CLK1: variants seen among roughly 807,000 people sequenced by gnomAD.
CLK1 encodes the protein dual specificity protein kinase CLK1.
Under a neutral mutation model 60.9 loss-of-function variants are expected in CLK1, and 40 were observed. The observed-to-expected ratio is 0.66, with a 90% CI of 0.51 to 0.86. CLK1 has a LOEUF of 0.86. Ranked by LOEUF, CLK1 falls within the 40% of genes least tolerant of loss-of-function variation. The pLI is 0.00. For missense variants in CLK1, 563 were observed against 606.1 expected (o/e 0.93, Z 0.75); for synonymous variants, 203 against 184.4 (o/e 1.10, Z -0.82).
chr2:200,853,407 CAA>C lies in CLK1; in HGVS notation c.1352_1353del (p.Phe451Ter). 1 of 1,610,012 alleles carries C rather than the reference CAA, an allele frequency of 6.2e-7. No homozygotes were observed. The highest frequency in any genetic ancestry group is 8.5e-7 in the Non-Finnish European group (1 of 1,178,954). ...TACTCCAACATTTTCTGAATGAGGTCAAAGAGACGCTCATGTTCAACATCTTG... is the reference window on the plus strand; with the variant it reads ...TACTCCAACATTTTCTGAATGAGGTCAGAGACGCTCATGTTCAACATCTTG... The part of the protein sequence containing the change: ...LSQDVEHERL[F>X]DLIQKMLEYD... On this transcript the variant is annotated frameshift_variant, in exon 13 of 13. Coordinates refer to ENST00000321356, the MANE Select transcript of CLK1 (RefSeq NM_004071.4). LOFTEE classifies it high-confidence loss of function.
At chr2:200,855,168 T>TA in intron 9 of CLK1, 82 bp from the exon 10 acceptor site, 38 of 1,045,904 alleles carry the variant, frequency 3.6e-5, no homozygotes, top group Admixed American at 4.9e-5. Flanking sequence ...CACTAATACT[T>TA]TAAAAAAAAA....
chr2:200,854,086 T>G (rs1575074756), intron 11 of CLK1, 93 bp from the exon 12 acceptor site: 1 of 761,136 alleles, frequency 1.3e-6, no homozygotes, highest in East Asian at 2.9e-5. Flanking sequence ...CCAGATCACT[T>G]TTCTAGAGAT....
rs548725868 is a variant in CLK1 at position 200,859,893 on chromosome 2, A to G, written c.482-147T>C. On this transcript the variant is annotated intron_variant, in intron 4 of 12. Transcript: ENST00000321356. ...TTATTGGTCAACACCATCAAAAAAC[A>G]TAATTATTAGGTCTAATTTCATTAA... 160 of 1,443,462 alleles carry G rather than the reference A, an allele frequency of 1.1e-4. No homozygotes were observed. In the African/African-American group the frequency reaches 2.2e-3, roughly 19 times the overall value. The allele number at this position is 1,443,462 out of a possible 1,614,324, so 89.4% of individuals were successfully genotyped here.
intron 1 of CLK1, among the ~76,000 whole-genome samples, chr2:200,862,397 C>T (rs556248141): frequency 6.6e-6 from 1 of 152,240 alleles, no homozygotes; most frequent in South Asian, 2.1e-4. Flanking sequence ...TAATCTCCCC[C>T]ACCCTTAGGA....
At chr2:200,858,308 C>A in intron 5 of CLK1, 1 of 552,222 alleles carries the variant, frequency 1.8e-6, no homozygotes, top group East Asian at 3.1e-5. Flanking sequence ...TAAACAACTT[C>A]TTCCTATATG....
intron 12 of CLK1, 48 bp downstream of exon 12, chr2:200,853,855 C>G: frequency 7.0e-7 from 1 of 1,432,646 alleles, no homozygotes; most frequent in Non-Finnish European, 9.7e-7. Flanking sequence ...AAAAGACAAA[C>G]AGAAGAAACT....
chr2:200,858,084 C>A lies in CLK1; in HGVS notation c.554G>T (p.Gly185Val). The A allele has an allele frequency of 6.2e-7, 1 of 1,600,440 alleles. No homozygotes were observed. Among genetic ancestry groups the A allele is most frequent in the Middle Eastern group, 1.7e-4 (1 of 6,048 alleles). Reference protein sequence around the residue: ...VVECIDHKAGGRHVAVKIVKN... With the variant: ...VVECIDHKAGVRHVAVKIVKN... Reference sequence around the variant, plus strand: ...AACTATTTTTACTGCTACATGTCTACCTCCCCTGTTAGAAAGATGCATGCA... The same window carrying A: ...AACTATTTTTACTGCTACATGTCTAACTCCCCTGTTAGAAAGATGCATGCA... Residue 185 changes from glycine to valine, a missense_variant, in exon 6 of 13, where the codon GGT becomes GTT. Physicochemically the swap from Gly to Val is moderately radical, Grantham distance 109. Transcript: ENST00000321356.
rs2039126851 is a variant in CLK1 at position 200,860,932 on chromosome 2, A to C, written c.390+306T>G. 6.2e-6 allele frequency: 7 copies of C among 1,129,722 alleles called. No individual in the cohort carries two copies. The South Asian group carries it at 2.0e-4, about 33-fold the overall frequency. 70.0% of individuals were successfully genotyped at this position (1,129,722 alleles called of 1,614,324 possible). On this transcript the variant is annotated intron_variant, in intron 3 of 12. Coordinates refer to ENST00000321356, the MANE Select transcript of CLK1 (RefSeq NM_004071.4). ...GATCAAAACTAATCAGGTTTCTTGA[A>C]GTACCACAAAAAACCCTTTTAGAAT... is the stretch of plus-strand genomic sequence containing the variant.
chr2:200,861,401 T>A lies in CLK1; in HGVS notation c.227A>T (p.Tyr76Phe). ...DYHSRRYIDE[Y>F]RNDYTQGCEP... ...ACATCCTTGAGTGTAGTCATTTCTGTACTCATCAATGTAGCGTCGACTATG... is the reference window on the plus strand; with the variant it reads ...ACATCCTTGAGTGTAGTCATTTCTGAACTCATCAATGTAGCGTCGACTATG... The change falls in exon 3 of 13, where the codon TAC becomes TTC. Residue 76 changes from tyrosine (Y) to phenylalanine (F), a missense_variant. Tyr to Phe is a conservative substitution (Grantham distance 22). Transcript: ENST00000321356. 6.2e-7 allele frequency: 1 copy of A among 1,614,144 alleles called. No homozygotes were observed. Among genetic ancestry groups the A allele is most frequent in the Non-Finnish European group, 8.5e-7 (1 of 1,180,020 alleles).
chr2:200,859,616 A>T, intron 5 of CLK1, 64 bp downstream of exon 5: 2 of 1,353,442 alleles, frequency 1.5e-6, no homozygotes, highest in Non-Finnish European at 2.1e-6. Flanking sequence ...ACCACTTTCT[A>T]AAGCTAAATC....
At position 200,857,837 on chromosome 2, in the gene CLK1, C is replaced by G; in HGVS notation, c.713G>C (p.Cys238Ser). Residue 238 changes from cysteine (C) to serine (S), a missense_variant, in exon 7 of 13, where the codon TGC becomes TCC. By Grantham distance (112) the Cys-to-Ser change is moderately radical. This residue lies in a region of CLK1 where 360 missense variants were observed against 407.0 expected (regional missense o/e 0.88). Coordinates refer to ENST00000321356, the MANE Select transcript of CLK1 (RefSeq NM_004071.4). ...LEWFEHHGHI[C>S]IVFELLGLST... is the part of the protein sequence containing the mutation. ...AAGTCCCAATAGTTCAAAAACAATGCAAATGTGACCATGATGCTCAAACCA... is the reference window on the plus strand; with the variant it reads ...AAGTCCCAATAGTTCAAAAACAATGGAAATGTGACCATGATGCTCAAACCA... 1 of 1,613,786 alleles carries G rather than the reference C, an allele frequency of 6.2e-7. No individual in the cohort carries two copies.
intron 1 of CLK1, among the ~76,000 whole-genome samples, chr2:200,862,688 TCC>T (rs895800218): frequency 6.6e-6 from 1 of 152,202 alleles, no homozygotes; most frequent in African/African-American, 2.4e-5. Context: ...CACGTCATTC[TCC>T]CCGTTTAAAC....
chr2:200,861,900 C>A, intron 1 of CLK1, 38 bp from the exon 2 acceptor site: 1 of 1,590,316 alleles, frequency 6.3e-7, no homozygotes, highest in Non-Finnish European at 8.6e-7. Context: ...TAAATTGTAC[C>A]CCACACTGAG....
intron 1 of CLK1, among the ~76,000 whole-genome samples, chr2:200,863,438 G>C (rs541424696): frequency 1.3e-5 from 2 of 152,016 alleles, no homozygotes; most frequent in Non-Finnish European, 2.9e-5. Context: ...CGCGCCTGTA[G>C]TCCCAACTAC....
intron 2 of CLK1, 41 bp downstream of exon 2, chr2:200,861,661 A>C: frequency 6.2e-7 from 1 of 1,604,248 alleles, no homozygotes; most frequent in Middle Eastern, 1.7e-4. Flanking sequence ...TTTGTCTAGT[A>C]ATGTATTGTT....
In CLK1 at chr2:200,861,864, T is replaced by C. The variant is rs764733008; in HGVS notation, c.1-2A>G. ...GTAAGTTCTCTTTGAGTGTCTCATCTACATAAAAGGCAAGTTTTTCCTAGT... is the reference window on the plus strand; with the variant it reads ...GTAAGTTCTCTTTGAGTGTCTCATCCACATAAAAGGCAAGTTTTTCCTAGT... On this transcript the variant is annotated splice_acceptor_variant, in intron 1 of 12. Transcript: ENST00000321356. LOFTEE classifies it low-confidence loss of function (5UTR_SPLICE). 1 of 1,613,628 alleles carries C rather than the reference T, an allele frequency of 6.2e-7. No individual in the cohort carries two copies. The highest frequency in any genetic ancestry group is 1.1e-5 in the South Asian group (1 of 91,018).
intron 10 of CLK1, 83 bp from the exon 11 acceptor site, chr2:200,854,778 T>C: frequency 9.6e-7 from 1 of 1,038,100 alleles, no homozygotes; most frequent in Non-Finnish European, 1.5e-6. Context: ...AAACTAACAT[T>C]AAGGCTTGCA....
Position 200,861,721 on chromosome 2 carries a change from G to T in CLK1, c.142C>A (p.His48Asn). ...CCTTACCTATCACACATTTTAGAGTGATTGTATTTGCAGCGCTTGTTCTCC... is the reference window on the plus strand; with the variant it reads ...CCTTACCTATCACACATTTTAGAGTTATTGTATTTGCAGCGCTTGTTCTCC... ...AQENKRCKYN[H>N]SKMCDSHYLE... Residue 48 changes from histidine to asparagine, a missense_variant, in exon 2 of 13, where the codon CAC becomes AAC. Coordinates refer to ENST00000321356, the MANE Select transcript of CLK1 (RefSeq NM_004071.4). The T allele has an allele frequency of 6.2e-7, 1 of 1,614,052 alleles. No individual in the cohort carries two copies. The highest frequency in any genetic ancestry group is 8.5e-7 in the Non-Finnish European group (1 of 1,180,002).
At chr2:200,856,642 A>C (rs758906475) in intron 9 of CLK1, 40 bp downstream of exon 9, 1 of 1,523,434 alleles carries the variant, frequency 6.6e-7, no homozygotes, top group Non-Finnish European at 8.8e-7. Flanking sequence ...AAGTCTCAAT[A>C]AGGAAATACA....
Sources: allele counts gnomAD v4.1 joint callset (sites outside exome capture counted in the v4.1 genomes callset), GRCh38; gene constraint gnomAD v4.1.1; regional missense constraint gnomAD v4.1.1; transcripts MANE v1.5; gene names NCBI Gene and HGNC (gene_info 2026-07-23, HGNC 2026-07-21).